Variants in ARL3 observed in about 807,000 individuals in gnomAD.
ARL3 encodes ADP-ribosylation factor-like protein 3.
Under a neutral mutation model 26.0 loss-of-function variants are expected in ARL3, and 9 were observed. That is an observed-to-expected ratio of 0.35 (90% CI 0.21 to 0.60). The LOEUF (loss-of-function observed/expected upper bound fraction) is 0.60. Ranked by LOEUF, ARL3 falls within the 20% of genes least tolerant of loss-of-function variation. The probability of loss-of-function intolerance (pLI) is 0.78; values close to 1 mark genes in which losing one functional copy is unlikely to be tolerated. For missense variants in ARL3, 158 were observed against 215.7 expected (o/e 0.73, Z 1.67); for synonymous variants, 71 against 78.4 (o/e 0.91, Z 0.50).
At chr10:102,711,971 T>C (rs1230856148) in intron 1 of ARL3, among the ~76,000 whole-genome samples, 1 of 152,190 alleles carries the variant, frequency 6.6e-6, no homozygotes, top group Admixed American at 6.5e-5. Flanking sequence ...TCTTCAAATG[T>C]TGAACATGCT....
At chr10:102,689,291 C>T (rs569053301) in intron 4 of ARL3, among the ~76,000 whole-genome samples, 1 of 152,168 alleles carries the variant, frequency 6.6e-6, no homozygotes, top group African/African-American at 2.4e-5. Flanking sequence ...TGCCATTGCA[C>T]TCCAGCCTGG....
chr10:102,684,473 T>C (rs985495592), intron 5 of ARL3, among the ~76,000 whole-genome samples: 1 of 151,912 alleles, frequency 6.6e-6, no homozygotes, highest in Non-Finnish European at 1.5e-5. Context: ...AAATTTGTCA[T>C]CTAAACCTTT....
rs1047246109 is a variant in ARL3, at chr10:102,676,166, G to A, written c.*728C>T. 5.2e-5 allele frequency: 7 copies of A among 134,254 alleles called. No homozygotes were observed. The highest frequency in any genetic ancestry group is 1.9e-4 in the African/African-American group (7 of 36,442). 8.3% of individuals were successfully genotyped at this position (134,254 alleles called of 1,614,324 possible). The stretch of plus-strand genomic sequence containing the variant: ...ATTCCAGATGTCATTACAGTCAAAA[G>A]TCATAAGAATTTGCTTCTCTGTGTG... On this transcript the variant is annotated 3_prime_UTR_variant, in exon 6 of 6. Coordinates refer to ENST00000260746, the MANE Select transcript of ARL3 (RefSeq NM_004311.4).
intron 3 of ARL3, among the ~76,000 whole-genome samples, chr10:102,690,300 T>C (rs1412597553): frequency 6.8e-6 from 1 of 146,990 alleles, no homozygotes; most frequent in Non-Finnish European, 1.5e-5. Flanking sequence ...TTTTCCTTTT[T>C]TTTTTTTTTT....
rs1475793195 is a variant in ARL3, at chr10:102,676,107, T to C, written c.*787A>G. 1 of 152,400 alleles carries C rather than the reference T, an allele frequency of 6.6e-6. No individual in the cohort carries two copies. The highest frequency in any genetic ancestry group is 6.6e-5 in the Admixed American group (1 of 15,228). 9.4% of individuals were successfully genotyped at this position (152,400 alleles called of 1,614,324 possible). A position where few individuals can be genotyped will look rare whatever the true frequency, so the allele number is the denominator to read the frequency against. On this transcript the variant is annotated 3_prime_UTR_variant, in exon 6 of 6. Coordinates refer to ENST00000260746, the MANE Select transcript of ARL3 (RefSeq NM_004311.4). ...TGAGAGCTTTTTAAGGACCTTGTAA[T>C]TTTTCTGGAATTAAACCTCCCACCT...
chr10:102,703,664 C>T (rs1176714514), intron 2 of ARL3, among the ~76,000 whole-genome samples: 31 of 150,910 alleles, frequency 2.1e-4, no homozygotes, highest in African/African-American at 6.3e-4. Context: ...AGGATGGTCT[C>T]GATCTCCTGA....
chr10:102,689,860 A>G (rs369845714), intron 4 of ARL3, 33 bp downstream of exon 4: 20 of 1,409,794 alleles, frequency 1.4e-5, no homozygotes, highest in East Asian at 1.2e-4. Flanking sequence ...ATATATATAT[A>G]TAAGAACTTT....
intron 3 of ARL3, among the ~76,000 whole-genome samples, chr10:102,697,383 T>C (rs1173507083): frequency 1.3e-5 from 2 of 152,180 alleles, no homozygotes; most frequent in South Asian, 2.1e-4. Flanking sequence ...TTCACCATCT[T>C]GGCCAGGCTA....
rs556045966 is a variant in ARL3, at chr10:102,699,070, G to C, written c.264+303C>G. ...ATTCGTTGTCTTCCTAGGGGTGACA[G>C]TCAGTGGCATGATCTTCTGACTTCC... On this transcript the variant is annotated intron_variant, in intron 3 of 5. Transcript: ENST00000260746. Among the ~76,000 whole-genome samples, 71 of 152,320 alleles carry C rather than the reference G, an allele frequency of 4.7e-4. No individual in the cohort carries two copies. In the Middle Eastern group the frequency reaches 0.01, roughly 22 times the overall value.
Position 102,689,878 on chromosome 10 carries a change from AAAAG to A in ARL3, c.315+11_315+14del, listed in dbSNP as rs2064207754. ...TATATATATAAGAACTTTGATATAA[AAAAG>A]AATTATTTACCTGACCCGTCTCTTC... On this transcript the variant is annotated intron_variant, in intron 4 of 5. Transcript: ENST00000260746. The A allele has an allele frequency of 6.4e-7, 1 of 1,552,218 alleles. No homozygotes were observed. Among genetic ancestry groups the A allele is most frequent in the African/African-American group, 1.4e-5 (1 of 72,522 alleles).
intron 5 of ARL3, among the ~76,000 whole-genome samples, chr10:102,682,746 T>C (rs2064161850): frequency 1.3e-5 from 2 of 152,266 alleles, no homozygotes; most frequent in Non-Finnish European, 2.9e-5. Flanking sequence ...GTACGATGTA[T>C]GTGTCTGTCT....
chr10:102,707,777 T>G (rs2064317069), intron 1 of ARL3, among the ~76,000 whole-genome samples: 1 of 152,222 alleles, frequency 6.6e-6, no homozygotes, highest in African/African-American at 2.4e-5. Context: ...TTTCTATGCC[T>G]CAATTTTTTC....
intron 2 of ARL3, 104 bp downstream of exon 2, chr10:102,705,242 A>G (rs2064303044): frequency 7.4e-7 from 1 of 1,354,800 alleles, no homozygotes. Flanking sequence ...TTTCTCAGAG[A>G]CAAAACTTGG....
At chr10:102,695,346 G>A (rs1045767234) in intron 3 of ARL3, among the ~76,000 whole-genome samples, 5 of 152,092 alleles carry the variant, frequency 3.3e-5, no homozygotes, top group Non-Finnish European at 5.9e-5. Context: ...TATTTTGTTA[G>A]ATTTATGCCT....
intron 5 of ARL3, among the ~76,000 whole-genome samples, chr10:102,679,560 C>T (rs750910988): frequency 3.9e-5 from 6 of 152,140 alleles, no homozygotes; most frequent in South Asian, 2.1e-4. Context: ...GGGTACCTGC[C>T]GGGTGAAGGG....
chr10:102,685,739 A>G lies in ARL3; in HGVS notation c.501+77T>C. The G allele has an allele frequency of 4.8e-6, 7 of 1,455,606 alleles. 1 individual carries two copies. Among genetic ancestry groups the G allele is most frequent in the South Asian group, 4.1e-5 (3 of 72,654 alleles). The allele number at this position is 1,455,606 out of a possible 1,614,324, so 90.2% of individuals were successfully genotyped here. A position where few individuals can be genotyped will look rare whatever the true frequency, so the allele number is the denominator to read the frequency against. On this transcript the variant is annotated intron_variant, in intron 5 of 5. Transcript: ENST00000260746. ...TGGAATGGCTCATCTGCCCATCAAG[A>G]TCAGCCCAACCAATGAGACAGACCA...
chr10:102,674,961 CT>C lies in ARL3; in HGVS notation c.*1932del, dbSNP rs1201369886. 1.3e-5 allele frequency: 2 copies of C among 152,238 alleles called. No individual in the cohort carries two copies. The highest frequency in any genetic ancestry group is 2.9e-5 in the Non-Finnish European group (2 of 68,048). 9.4% of individuals were successfully genotyped at this position (152,238 alleles called of 1,614,324 possible). A position where few individuals can be genotyped will look rare whatever the true frequency, so the allele number is the denominator to read the frequency against. On this transcript the variant is annotated 3_prime_UTR_variant, in exon 6 of 6. Transcript: ENST00000260746. The stretch of plus-strand genomic sequence containing the variant: ...GACCCTCCAATGCCAAAGTTCCATA[CT>C]GCAGTGTTCCAAAATTGCAGACCTC...
intron 3 of ARL3, among the ~76,000 whole-genome samples, chr10:102,693,788 TCA>T (rs2136002410): frequency 6.6e-6 from 1 of 152,122 alleles, no homozygotes; most frequent in African/African-American, 2.4e-5. Context: ...TCCTTCCACC[TCA>T]GTCTCCCGAG....
chr10:102,683,441 G>A (rs2064166300), intron 5 of ARL3, among the ~76,000 whole-genome samples: 1 of 151,916 alleles, frequency 6.6e-6, no homozygotes, highest in South Asian at 2.1e-4. Context: ...ATACACCATG[G>A]TACTATCTAC....
Sources: gnomAD v4.1 joint callset for allele counts (sites outside exome capture counted in the v4.1 genomes callset) on GRCh38, gnomAD v4.1.1 for gene constraint, MANE v1.5 for transcripts, NCBI Gene and HGNC (gene_info 2026-07-23, HGNC 2026-07-21) for gene names.